Variants in CSMD1 observed in about 807,000 individuals in gnomAD.
The protein encoded by CSMD1 is CUB and sushi domain-containing protein 1.
A neutral mutation model predicts 417.5 loss-of-function variants in CSMD1; 213 were observed. That is an observed-to-expected ratio of 0.51 (90% CI 0.46 to 0.57). The LOEUF (loss-of-function observed/expected upper bound fraction) is 0.57. CSMD1 is among the 20% of genes least tolerant of loss of function. The probability of loss-of-function intolerance (pLI) is 0.00; values close to 1 mark genes in which losing one functional copy is unlikely to be tolerated. For missense variants in CSMD1, 6,923 were observed against 4,529.7 expected, an observed-to-expected ratio of 1.53 and a Z score of -15.17; for synonymous variants, 2,862 against 1,736.8, an observed-to-expected ratio of 1.65 and a Z score of -16.11.
In CSMD1 at chr8:4,004,615, C is replaced by T. The variant is rs1207837316; in HGVS notation, c.611-6505G>A. Among the ~76,000 whole-genome samples the T allele has an allele frequency of 2.6e-5, 4 of 152,040 alleles. No homozygotes were observed. The East Asian group carries it at 7.7e-4, about 29-fold the overall frequency. ...GATTTTCCTTCTTTCCTTCATTTTA[C>T]TATTCTACAATATATTTTAGATTTC... On this transcript the variant is annotated intron_variant, in intron 4 of 69. Coordinates refer to ENST00000635120, the MANE Select transcript of CSMD1 (RefSeq NM_033225.6).
intron 11 of CSMD1, among the ~76,000 whole-genome samples, chr8:3,491,846 C>A (rs1270382532): frequency 6.6e-6 from 1 of 152,172 alleles, no homozygotes; most frequent in African/African-American, 2.4e-5. Flanking sequence ...CCACACCACC[C>A]GGCGGGTACC....
chr8:4,410,724 G>A (rs1001865397), intron 3 of CSMD1, among the ~76,000 whole-genome samples: 4 of 152,094 alleles, frequency 2.6e-5, no homozygotes, highest in African/African-American at 9.7e-5. Context: ...AGTATGTACA[G>A]AAGATAAAAT....
rs899100854 is a variant in CSMD1 at position 4,142,425 on chromosome 8, C to G, written c.416-110326G>C. 3.0e-4 allele frequency among the ~76,000 whole-genome samples: 46 copies of G among 151,120 alleles called. 1 individual carries two copies. Among genetic ancestry groups the G allele is most frequent in the African/African-American group, 1.1e-3 (43 of 40,462 alleles). ...TTGGGTCAATATTTCTGCCTGCTACCATAACAGAACTAGTTTCCCTCTACT... is the reference window on the plus strand; with the variant it reads ...TTGGGTCAATATTTCTGCCTGCTACGATAACAGAACTAGTTTCCCTCTACT... On this transcript the variant is annotated intron_variant, in intron 3 of 69. Transcript: ENST00000635120.
intron 3 of CSMD1, among the ~76,000 whole-genome samples, chr8:4,088,009 G>C (rs1330830582): frequency 6.6e-6 from 1 of 152,060 alleles, no homozygotes; most frequent in Non-Finnish European, 1.5e-5. Flanking sequence ...AACTTTATTA[G>C]AATATCATTT....
At chr8:4,197,254 G>C (rs78556420) in intron 3 of CSMD1, among the ~76,000 whole-genome samples, 2 of 152,192 alleles carry the variant, frequency 1.3e-5, no homozygotes, top group African/African-American at 4.8e-5. Flanking sequence ...CGTATAACCA[G>C]ATAGATTTTC....
In CSMD1 at chr8:3,790,195, T is replaced by A. The variant is rs138455834; in HGVS notation, c.819-36153A>T. Among the ~76,000 whole-genome samples, 72 of 152,350 alleles carry A rather than the reference T, an allele frequency of 4.7e-4. No homozygotes were observed. In the Middle Eastern group the frequency reaches 0.01, roughly 22 times the overall value. On this transcript the variant is annotated intron_variant, in intron 5 of 69. Transcript: ENST00000635120. ...AATACATAATCAGAACTCTTTTGCA[T>A]CTAGTGAATCAGTGCTGCCTACACA...
chr8:4,746,600 A>AT (rs1810970082), intron 1 of CSMD1, among the ~76,000 whole-genome samples: 1 of 152,188 alleles, frequency 6.6e-6, no homozygotes, highest in South Asian at 2.1e-4. Flanking sequence ...GCGAGCATGC[A>AT]TTTTGTCCAC....
intron 5 of CSMD1, among the ~76,000 whole-genome samples, chr8:3,981,168 G>A (rs894739205): frequency 6.6e-6 from 1 of 152,300 alleles, no homozygotes; most frequent in East Asian, 1.9e-4. Flanking sequence ...ATGTACAAGA[G>A]ACTCCAAGAA....
intron 5 of CSMD1, among the ~76,000 whole-genome samples, chr8:3,884,983 A>C (rs1318858444): frequency 6.6e-6 from 1 of 151,106 alleles, no homozygotes. Flanking sequence ...ATTCATATAT[A>C]TATATATGCA....
chr8:4,761,139 G>A lies in CSMD1; in HGVS notation c.86-123581C>T, dbSNP rs536273767. ...GAATATGCAAAAGAGTCTTCTACACGTAAAGGAAATGAAAAAAGTCACTAT... is the reference window on the plus strand; with the variant it reads ...GAATATGCAAAAGAGTCTTCTACACATAAAGGAAATGAAAAAAGTCACTAT... On this transcript the variant is annotated intron_variant, in intron 1 of 69. Coordinates refer to ENST00000635120, the MANE Select transcript of CSMD1 (RefSeq NM_033225.6). Among the ~76,000 whole-genome samples the A allele has an allele frequency of 3.9e-5, 6 of 152,058 alleles. No individual in the cohort carries two copies. The South Asian group carries it at 6.3e-4, about 16-fold the overall frequency.
intron 8 of CSMD1, among the ~76,000 whole-genome samples, chr8:3,589,204 G>C (rs1014714374): frequency 1.3e-5 from 2 of 152,128 alleles, no homozygotes; most frequent in Non-Finnish European, 2.9e-5. Flanking sequence ...ATTAAAAATA[G>C]AACTACTACA....
At chr8:4,344,138 G>C (rs1800643041) in intron 3 of CSMD1, among the ~76,000 whole-genome samples, 1 of 152,072 alleles carries the variant, frequency 6.6e-6, no homozygotes. Context: ...CTGATCATTA[G>C]CAACTGAGAA....
intron 1 of CSMD1, among the ~76,000 whole-genome samples, chr8:4,715,947 C>T (rs1808627570): frequency 6.6e-6 from 1 of 152,296 alleles, no homozygotes; most frequent in African/African-American, 2.4e-5. Context: ...TGTAAATCGT[C>T]TTCGTTAAAT....
intron 2 of CSMD1, among the ~76,000 whole-genome samples, chr8:4,450,745 A>T (rs1480981374): frequency 3.9e-5 from 6 of 152,186 alleles, no homozygotes; most frequent in Non-Finnish European, 2.9e-5. Context: ...ATAGCAACAA[A>T]ACAGCGGTCT....
intron 3 of CSMD1, among the ~76,000 whole-genome samples, chr8:4,288,475 G>C (rs1313433049): frequency 6.6e-6 from 1 of 152,172 alleles, no homozygotes; most frequent in Admixed American, 6.5e-5. Flanking sequence ...TGCTGACGAT[G>C]AGGCTATGGG....
intron 1 of CSMD1, among the ~76,000 whole-genome samples, chr8:4,758,840 C>T (rs931165170): frequency 6.6e-6 from 1 of 152,124 alleles, no homozygotes; most frequent in African/African-American, 2.4e-5. Flanking sequence ...CAGGTCTCTC[C>T]CTCAAAACCT....
chr8:4,118,742 G>C (rs1176601119), intron 3 of CSMD1, among the ~76,000 whole-genome samples: 1 of 152,132 alleles, frequency 6.6e-6, no homozygotes, highest in Non-Finnish European at 1.5e-5. Context: ...CCATTACTGG[G>C]TATATGCCCA....
intron 3 of CSMD1, among the ~76,000 whole-genome samples, chr8:4,414,585 A>T (rs769472690): frequency 6.6e-6 from 1 of 151,952 alleles, no homozygotes; most frequent in Admixed American, 6.6e-5. Context: ...TTTATCTTTA[A>T]ATCAATTCAG....
At chr8:3,913,812 G>C (rs1382975567) in intron 5 of CSMD1, among the ~76,000 whole-genome samples, 1 of 152,072 alleles carries the variant, frequency 6.6e-6, no homozygotes, top group Non-Finnish European at 1.5e-5. Context: ...GAGTACTAGA[G>C]TATTAGAACC....
Sources: allele counts gnomAD v4.1 joint callset (sites outside exome capture counted in the v4.1 genomes callset), GRCh38; gene constraint gnomAD v4.1.1; transcripts MANE v1.5; gene names NCBI Gene and HGNC (gene_info 2026-07-23, HGNC 2026-07-21).